Variants in EIF4ENIF1 observed in about 807,000 individuals in gnomAD.
EIF4ENIF1 encodes the protein eukaryotic translation initiation factor 4E transporter.
Under a neutral mutation model 110.5 loss-of-function variants are expected in EIF4ENIF1, and 23 were observed. That is an observed-to-expected ratio of 0.21 (90% CI 0.15 to 0.29). EIF4ENIF1 has a LOEUF of 0.29. Among genes scored for constraint, EIF4ENIF1 ranks in the 10% least tolerant of loss-of-function variants. The probability of loss-of-function intolerance (pLI) is 1.00; values close to 1 mark genes in which losing one functional copy is unlikely to be tolerated. For missense variants in EIF4ENIF1, 1,031 were observed against 1,221.1 expected (o/e 0.84, Z 2.32); for synonymous variants, 440 against 437.0 (o/e 1.01, Z -0.09).
At chr22:31,471,322 T>C (rs1215714011) in intron 3 of EIF4ENIF1, among the ~76,000 whole-genome samples, 1 of 151,690 alleles carries the variant, frequency 6.6e-6, no homozygotes, top group Non-Finnish European at 1.5e-5. Context: ...CAAGTCTTTT[T>C]TTTTTTTTTT....
chr22:31,489,169 C>T (rs1306876392), intron 1 of EIF4ENIF1: 2 of 156,670 alleles, frequency 1.3e-5, no homozygotes, highest in Admixed American at 6.3e-5. Context: ...GCCAGCTGCC[C>T]CTTGTTATCC....
chr22:31,462,298 A>G (rs2051021075), intron 6 of EIF4ENIF1, among the ~76,000 whole-genome samples: 1 of 152,062 alleles, frequency 6.6e-6, no homozygotes, highest in Non-Finnish European at 1.5e-5. Context: ...CCTGGGCAAC[A>G]TGGTGAAACC....
chr22:31,450,894 C>CACA (rs1261087732), intron 10 of EIF4ENIF1: 6 of 142,752 alleles, frequency 4.2e-5, no homozygotes, highest in Non-Finnish European at 8.6e-5. Context: ...CACACACACA[C>CACA]AAAAGAGACA....
rs2050421991 is a variant in EIF4ENIF1, at chr22:31,445,124, T to G, written c.1989-434A>C. Among the ~76,000 whole-genome samples, 3 of 151,772 alleles carry G rather than the reference T, an allele frequency of 2.0e-5. No homozygotes were observed. In the South Asian group the frequency reaches 6.2e-4, roughly 32 times the overall value. On this transcript the variant is annotated intron_variant, in intron 14 of 18. Transcript: ENST00000330125. Reference sequence around the variant, plus strand: ...CAGAATAGGTACAGGAACTTGGGAGTTGTAGGGTTATCCAGAGCTGGTGTA... The same window carrying G: ...CAGAATAGGTACAGGAACTTGGGAGGTGTAGGGTTATCCAGAGCTGGTGTA...
chr22:31,469,547 A>T (rs1055668109), intron 3 of EIF4ENIF1, among the ~76,000 whole-genome samples: 1 of 152,218 alleles, frequency 6.6e-6, no homozygotes, highest in Non-Finnish European at 1.5e-5. Context: ...GGTAGTGGTG[A>T]GGATTATCTA....
rs2146131180 is a variant in EIF4ENIF1 at position 31,489,672 on chromosome 22, CGCCACCGCCGCCGACCCTTACTCGGT to C, written c.-32_-28+21del. ...GGGCGCGCGGTGCCCCGGACCCAGC[CGCCACCGCCGCCGACCCTTACTCGGT>C]GCCTCCGCCGCTCGGCGGCCCTTTG... On this transcript the variant is annotated splice_donor_variant and splice_donor_5th_base_variant and 5_prime_UTR_variant and intron_variant, in exon 1 of 19. Coordinates refer to ENST00000330125, the MANE Select transcript of EIF4ENIF1 (RefSeq NM_019843.4). LOFTEE classifies it low-confidence loss of function (5UTR_SPLICE). 6.6e-6 allele frequency: 1 copy of C among 151,214 alleles called. No homozygotes were observed. Among genetic ancestry groups the C allele is most frequent in the East Asian group, 2.0e-4 (1 of 5,034 alleles). The allele number at this position is 151,214 out of a possible 1,614,324, so 9.4% of individuals were successfully genotyped here.
Position 31,468,235 on chromosome 22 carries a change from C to G in EIF4ENIF1, c.238G>C (p.Val80Leu). The change falls in exon 4 of 19, where the codon GTG becomes CTG. Residue 80 changes from valine (V) to leucine (L), a missense_variant. Physicochemically the swap from Val to Leu is conservative, Grantham distance 32. This residue lies in a region of EIF4ENIF1 where 704 missense variants were observed against 879.7 expected (regional missense o/e 0.80). Transcript: ENST00000330125. ...TCCAACTCTTTCTTCAGACTTTCCA[C>G]TGGTGAGCTCCGCCCTGAAGCTGGG... ...LYPASGRSSP[V>L]ESLKKELDTD... is the part of the protein sequence containing the mutation. The G allele has an allele frequency of 6.2e-7, 1 of 1,614,210 alleles. No homozygotes were observed. The highest frequency in any genetic ancestry group is 1.3e-5 in the African/African-American group (1 of 75,060).
upstream of EIF4ENIF1, among the ~76,000 whole-genome samples, chr22:31,491,404 C>G (rs1290034476): frequency 5.9e-5 from 9 of 152,084 alleles, no homozygotes; most frequent in South Asian, 2.1e-4. Context: ...GGAGAAGGCC[C>G]GTTCTTTGAA....
intron 2 of EIF4ENIF1, among the ~76,000 whole-genome samples, chr22:31,475,276 C>A (rs2051530652): frequency 1.3e-5 from 2 of 151,244 alleles, no homozygotes; most frequent in South Asian, 4.2e-4. Flanking sequence ...TGAAAAAAAA[C>A]TGTCAAAGAA....
intron 1 of EIF4ENIF1, 181 bp from the exon 2 acceptor site, chr22:31,488,926 T>G (rs904389233): frequency 1.5e-6 from 1 of 674,552 alleles, no homozygotes; most frequent in African/African-American, 1.8e-5. Context: ...TACTCAGTTC[T>G]CTTTCCTAGT....
At chr22:31,482,894 C>T (rs59565924) in intron 2 of EIF4ENIF1, among the ~76,000 whole-genome samples, 3,957 of 150,810 alleles carry the variant, frequency 0.026, 191 homozygotes, top group African/African-American at 0.093. Flanking sequence ...CATGGAGGCA[C>T]GCGCCTGTAG....
Position 31,440,663 on chromosome 22 carries a change from T to G in EIF4ENIF1, c.2716+41A>C, listed in dbSNP as rs748342616. On this transcript the variant is annotated intron_variant, in intron 18 of 18. Transcript: ENST00000330125. ...TAGTCCTCAAAGCTTCAAGACTCCC[T>G]AAGTCCGTCCCAAACTCACCTGTCA... is the stretch of plus-strand genomic sequence containing the variant. 4 of 1,597,136 alleles carry G rather than the reference T, an allele frequency of 2.5e-6. No homozygotes were observed. In the South Asian group the frequency reaches 4.5e-5, roughly 18 times the overall value.
rs759374234 is a variant in EIF4ENIF1 at position 31,441,965 on chromosome 22, G to A, written c.2360C>T (p.Ala787Val). The change falls in exon 17 of 19, where the codon GCA becomes GTA. Residue 787 changes from alanine (A) to valine (V), a missense_variant. Physicochemically the swap from Ala to Val is moderately conservative, Grantham distance 64 (BLOSUM62 0). Around this residue, in one of 3 missense-constraint regions of EIF4ENIF1, gnomAD observed 309 missense variants for 299.1 expected, o/e 1.03. Coordinates refer to ENST00000330125, the MANE Select transcript of EIF4ENIF1 (RefSeq NM_019843.4). Reference sequence around the variant, plus strand: ...CAAGGTGGGTGTTTTTCTCCCAGTTGCTTTAGGTCGATAATCTTGTTCTTT... The same window carrying A: ...CAAGGTGGGTGTTTTTCTCCCAGTTACTTTAGGTCGATAATCTTGTTCTTT... Reference protein sequence around the residue: ...YTKEQDYRPKATGRKTPTLAS... With the variant: ...YTKEQDYRPKVTGRKTPTLAS... 1.9e-6 allele frequency: 3 copies of A among 1,614,190 alleles called. No individual in the cohort carries two copies.
chr22:31,456,222 ACTT>A (rs980452366), intron 7 of EIF4ENIF1, among the ~76,000 whole-genome samples: 3 of 139,414 alleles, frequency 2.2e-5, no homozygotes, highest in African/African-American at 7.7e-5. Flanking sequence ...ATTTTTTATT[ACTT>A]TTTTTTTTTT....
Position 31,442,007 on chromosome 22 carries a change from T to A in EIF4ENIF1, c.2318A>T (p.Gln773Leu). The change falls in exon 17 of 19, where the codon CAG (glutamine) becomes CTG (leucine). Residue 773 changes from glutamine to leucine, a missense_variant. Gln to Leu is a moderately radical substitution (Grantham distance 113). Coordinates refer to ENST00000330125, the MANE Select transcript of EIF4ENIF1 (RefSeq NM_019843.4). ...TTGTTCTTTGGTGTAACGGTTGGCC[T>A]GGGACAGTGGGGTGGAACACGAAGA... ...QRSSCSTPLS[Q>L]ANRYTKEQDY... is the part of the protein sequence containing the mutation. The A allele has an allele frequency of 6.2e-7, 1 of 1,614,180 alleles. No homozygotes were observed. The highest frequency in any genetic ancestry group is 1.1e-5 in the South Asian group (1 of 91,084).
chr22:31,453,373 T>C (rs959590613), intron 10 of EIF4ENIF1: 1 of 412,296 alleles, frequency 2.4e-6, no homozygotes, highest in Non-Finnish European at 4.8e-6. Context: ...CAAACCCATC[T>C]TACTTTTTTT....
chr22:31,450,036 CT>C (rs568429211), intron 11 of EIF4ENIF1, among the ~76,000 whole-genome samples: 1 of 152,186 alleles, frequency 6.6e-6, no homozygotes, highest in Non-Finnish European at 1.5e-5. Flanking sequence ...TGGCTAGATA[CT>C]TTTAAGTTTC....
At chr22:31,440,217 A>G (rs1027498111) in intron 18 of EIF4ENIF1, 96 bp from the exon 19 acceptor site, 3 of 1,569,394 alleles carry the variant, frequency 1.9e-6, no homozygotes, top group South Asian at 1.2e-5. Flanking sequence ...AGTCTTTACT[A>G]GAGGATTTTT....
intron 14 of EIF4ENIF1, among the ~76,000 whole-genome samples, chr22:31,446,569 G>A (rs2050486915): frequency 6.6e-6 from 1 of 152,130 alleles, no homozygotes; most frequent in South Asian, 2.1e-4. Context: ...ATTAAGTACC[G>A]AGTATTTTAA....
Sources: gnomAD v4.1 joint callset for allele counts (sites outside exome capture counted in the v4.1 genomes callset) on GRCh38, gnomAD v4.1.1 for gene constraint, gnomAD v4.1.1 regional missense constraint, MANE v1.5 for transcripts, NCBI Gene and HGNC (gene_info 2026-07-23, HGNC 2026-07-21) for gene names.